Variants in VIL1 observed in about 807,000 individuals in gnomAD.
The protein encoded by VIL1 is villin 1, also known as villin-1.
VIL1 carries 86 observed loss-of-function variants against 104.0 expected under a neutral mutation model. The ratio of observed to expected loss-of-function variants is 0.83; its 90% confidence interval spans 0.69 to 0.99. VIL1 has a LOEUF of 0.99. Ranked by LOEUF, VIL1 falls within the 50% of genes least tolerant of loss-of-function variation. The pLI is 0.00. For missense variants in VIL1, 944 were observed against 1,054.1 expected (o/e 0.90, Z 1.45); for synonymous variants, 394 against 412.6 (o/e 0.95, Z 0.55).
intron 13 of VIL1, among the ~76,000 whole-genome samples, chr2:218,433,916 G>T (rs986519417): frequency 6.7e-5 from 10 of 149,392 alleles, no homozygotes; most frequent in Non-Finnish European, 1.5e-4. Context: ...AAAAAAAAAG[G>T]CTAGGCGCTG....
At chr2:218,443,896 C>T (rs1245106835) in intron 19 of VIL1, among the ~76,000 whole-genome samples, 2 of 152,150 alleles carry the variant, frequency 1.3e-5, no homozygotes, top group Non-Finnish European at 2.9e-5. Context: ...TTCAGGTGAT[C>T]GACCTGCCTC....
At chr2:218,437,375 G>A in intron 17 of VIL1, 63 bp downstream of exon 17, 1 of 1,564,954 alleles carries the variant, frequency 6.4e-7, no homozygotes, top group Non-Finnish European at 8.7e-7. Flanking sequence ...GCTGATTCCT[G>A]CAGGCCATTC....
chr2:218,445,079 C>A (rs1171888977), intron 19 of VIL1, among the ~76,000 whole-genome samples: 1 of 152,090 alleles, frequency 6.6e-6, no homozygotes, highest in Non-Finnish European at 1.5e-5. Context: ...ATCCCCAAAT[C>A]ATTTATATTT....
intron 3 of VIL1, among the ~76,000 whole-genome samples, chr2:218,424,648 T>C (rs979377688): frequency 2.0e-5 from 3 of 151,012 alleles, no homozygotes; most frequent in Non-Finnish European, 4.4e-5. Flanking sequence ...CAATCCATAG[T>C]CATCTTCTTT....
At chr2:218,419,496 C>T (rs1402977895) in intron 1 of VIL1, among the ~76,000 whole-genome samples, 1 of 152,168 alleles carries the variant, frequency 6.6e-6, no homozygotes, top group Admixed American at 6.5e-5. Flanking sequence ...CAGACCGGGA[C>T]TAGTTGGTCT....
chr2:218,423,203 C>G (rs936094800), intron 1 of VIL1, among the ~76,000 whole-genome samples: 2 of 152,090 alleles, frequency 1.3e-5, no homozygotes, highest in Admixed American at 1.3e-4. Flanking sequence ...TGAGACCAGC[C>G]TGGCCCACAT....
At chr2:218,449,128 C>A in intron 19 of VIL1, 95 bp from the exon 20 acceptor site, 4 of 829,786 alleles carry the variant, frequency 4.8e-6, no homozygotes, top group Non-Finnish European at 8.4e-6. Context: ...TGATTATATA[C>A]CACATCTATG....
At chr2:218,420,303 C>A (rs1428492759) in intron 1 of VIL1, among the ~76,000 whole-genome samples, 3 of 151,666 alleles carry the variant, frequency 2.0e-5, no homozygotes, top group Non-Finnish European at 4.4e-5. Context: ...CTCGCGCACG[C>A]CTATAGTCCC....
chr2:218,432,017 A>C lies in VIL1; in HGVS notation c.1204-29A>C, dbSNP rs771136502. ...GCAGGAATGGTGGAGCCTGTCCTGG[A>C]CCTCACCCTGGCCTGATACTGGCCC... is the stretch of plus-strand genomic sequence containing the variant. On this transcript the variant is annotated intron_variant, in intron 11 of 19. Transcript: ENST00000248444. The C allele has an allele frequency of 4.3e-6, 7 of 1,613,710 alleles. No individual in the cohort carries two copies. The Admixed American group carries it at 5.0e-5, about 12-fold the overall frequency.
At chr2:218,447,342 C>T (rs1559151754) in intron 19 of VIL1, among the ~76,000 whole-genome samples, 1 of 152,102 alleles carries the variant, frequency 6.6e-6, no homozygotes, top group African/African-American at 2.4e-5. Flanking sequence ...GAGACAGGGT[C>T]TTTCTTGTTC....
chr2:218,425,520 C>A, intron 3 of VIL1, 95 bp from the exon 4 acceptor site: 1 of 1,336,038 alleles, frequency 7.5e-7, no homozygotes, highest in Non-Finnish European at 1.1e-6. Context: ...CACGCTCCCC[C>A]ATAGTCCTGG....
At chr2:218,428,382 G>T in intron 6 of VIL1, 45 bp downstream of exon 6, 1 of 1,529,294 alleles carries the variant, frequency 6.5e-7, no homozygotes, top group Non-Finnish European at 9.1e-7. Context: ...ATCCTAGACT[G>T]CCCCCACCTG....
chr2:218,429,522 G>A (rs1442416588), intron 7 of VIL1, 35 bp downstream of exon 7: 2 of 1,613,400 alleles, frequency 1.2e-6, no homozygotes, highest in African/African-American at 1.3e-5. Flanking sequence ...GGGTGCTGGG[G>A]ACTCCCTGGG....
intron 12 of VIL1, 144 bp from the exon 13 acceptor site, chr2:218,432,649 C>A: frequency 9.0e-7 from 1 of 1,110,550 alleles, no homozygotes; most frequent in South Asian, 1.4e-5. Flanking sequence ...GGGGTTTTGG[C>A]TGTTTCACAG....
chr2:218,429,461 A>G lies in VIL1; in HGVS notation c.744A>G (p.Ala248=), dbSNP rs1468379700. The G allele has an allele frequency of 1.9e-6, 3 of 1,613,930 alleles. No individual in the cohort carries two copies. Among genetic ancestry groups the G allele is most frequent in the East Asian group, 4.5e-5 (2 of 44,868 alleles). Residue 248 remains alanine (A), a synonymous_variant, in exon 7 of 20, where the codon GCA becomes GCG. Coordinates refer to ENST00000248444, the MANE Select transcript of VIL1 (RefSeq NM_007127.3). ...AAVPDTVVEP[A]LKAALKLYHV... is the part of the protein sequence containing the mutation. Reference sequence around the variant, plus strand: ...TGCCCGACACGGTGGTGGAGCCGGCACTCAAGGCTGCACTCAAACTGTACC... The same window carrying G: ...TGCCCGACACGGTGGTGGAGCCGGCGCTCAAGGCTGCACTCAAACTGTACC...
At chr2:218,439,328 A>G (rs1689244880) in intron 18 of VIL1, among the ~76,000 whole-genome samples, 1 of 152,124 alleles carries the variant, frequency 6.6e-6, no homozygotes, top group Non-Finnish European at 1.5e-5. Flanking sequence ...CCCATTCCCA[A>G]ATATTCTGGT....
rs746749341 is a variant in VIL1 at position 218,423,869 on chromosome 2, G to A, written c.75+16G>A. ...GAGGATCGAGGTGAGGCCCTGTCTG[G>A]GCATGGGGGCTGCTCAGGCCTGGGG... On this transcript the variant is annotated intron_variant, in intron 2 of 19. Coordinates refer to ENST00000248444, the MANE Select transcript of VIL1 (RefSeq NM_007127.3). 4.3e-6 allele frequency: 7 copies of A among 1,614,048 alleles called. No homozygotes were observed. The highest frequency in any genetic ancestry group is 4.2e-6 in the Non-Finnish European group (5 of 1,179,904).
rs1460108808 is a variant in VIL1, at chr2:218,451,488, T to C, written c.*2152T>C. Reference sequence around the variant, plus strand: ...AGGAAAATATTTTAATTTGCTTTAATATAACCTCTTTTCAGTAGATCACAA... The same window carrying C: ...AGGAAAATATTTTAATTTGCTTTAACATAACCTCTTTTCAGTAGATCACAA... On this transcript the variant is annotated 3_prime_UTR_variant, in exon 20 of 20. Coordinates refer to ENST00000248444, the MANE Select transcript of VIL1 (RefSeq NM_007127.3). 6.6e-6 allele frequency: 1 copy of C among 152,222 alleles called. No homozygotes were observed. The highest frequency in any genetic ancestry group is 1.5e-5 in the Non-Finnish European group (1 of 68,044). 9.4% of individuals were successfully genotyped at this position (152,222 alleles called of 1,614,324 possible). A position where few individuals can be genotyped will look rare whatever the true frequency, so the allele number is the denominator to read the frequency against.
rs753389680 is a variant in VIL1 at position 218,431,996 on chromosome 2, G to C, written c.1203+39G>C. On this transcript the variant is annotated intron_variant, in intron 11 of 19. Coordinates refer to ENST00000248444, the MANE Select transcript of VIL1 (RefSeq NM_007127.3). The stretch of plus-strand genomic sequence containing the variant: ...GAGAGGCCCGTGCTGGGTGGAGCAG[G>C]AATGGTGGAGCCTGTCCTGGACCTC... The C allele has an allele frequency of 4.3e-6, 7 of 1,614,114 alleles. No homozygotes were observed. In the South Asian group the frequency reaches 7.7e-5, roughly 18 times the overall value.
Sources: allele counts gnomAD v4.1 joint callset (sites outside exome capture counted in the v4.1 genomes callset), GRCh38; gene constraint gnomAD v4.1.1; transcripts MANE v1.5; gene names NCBI Gene and HGNC (gene_info 2026-07-23, HGNC 2026-07-21).